The following POU2F3 variants were observed in gnomAD, a reference collection of about 807,000 sequenced individuals.
The protein encoded by POU2F3 is POU class 2 homeobox 3.
A neutral mutation model predicts 59.2 loss-of-function variants in POU2F3; 23 were observed. The ratio of observed to expected loss-of-function variants is 0.39; its 90% CI spans 0.28 to 0.55. The LOEUF is 0.55. Among genes scored for constraint, POU2F3 ranks in the 20% least tolerant of loss-of-function variants. The pLI, the probability that POU2F3 is intolerant of heterozygous loss-of-function variation, is 0.66. For missense variants in POU2F3, 473 were observed against 544.5 expected, an observed-to-expected ratio of 0.87 and a Z score of 1.31; for synonymous variants, 190 against 214.6, an observed-to-expected ratio of 0.89 and a Z score of 1.00.
At chr11:120,294,182 A>G (rs1449539448) in intron 3 of POU2F3, among the ~76,000 whole-genome samples, 5 of 152,216 alleles carry the variant, frequency 3.3e-5, no homozygotes, top group Non-Finnish European at 7.3e-5. Flanking sequence ...CATCCCTGAT[A>G]CATTTTTACC....
At chr11:120,267,120 C>T (rs528478066) in intron 2 of POU2F3, among the ~76,000 whole-genome samples, 23 of 152,120 alleles carry the variant, frequency 1.5e-4, no homozygotes, top group African/African-American at 5.5e-4. Flanking sequence ...TCTTTAGCTC[C>T]CTTAGCAGAT....
upstream of POU2F3, among the ~76,000 whole-genome samples, chr11:120,239,203 G>A (rs1228557751): frequency 1.3e-5 from 2 of 152,220 alleles, no homozygotes. Flanking sequence ...GAAGGAAAGC[G>A]AGGCCCTGCC....
intron 3 of POU2F3, among the ~76,000 whole-genome samples, chr11:120,284,845 G>T (rs906495559): frequency 6.6e-6 from 1 of 152,200 alleles, no homozygotes; most frequent in Non-Finnish European, 1.5e-5. Context: ...GAGGCCGTCT[G>T]TCCCCTGTTC....
chr11:120,314,130 T>C (rs1317073655), intron 10 of POU2F3, among the ~76,000 whole-genome samples: 2 of 152,208 alleles, frequency 1.3e-5, no homozygotes, highest in African/African-American at 4.8e-5. Context: ...CCTCCCAACC[T>C]GTGCCCGTCT....
At chr11:120,253,972 C>T (rs894647541) in intron 2 of POU2F3, 2 of 152,082 alleles carry the variant, frequency 1.3e-5, no homozygotes, top group African/African-American at 4.8e-5. Flanking sequence ...GGCATGACAC[C>T]CACCTACCCT....
At chr11:120,314,128 C>T (rs1046387004) in intron 10 of POU2F3, among the ~76,000 whole-genome samples, 8 of 152,206 alleles carry the variant, frequency 5.3e-5, no homozygotes, top group Non-Finnish European at 1.2e-4. Flanking sequence ...CCCCTCCCAA[C>T]CTGTGCCCGT....
upstream of POU2F3, chr11:120,240,116 C>CCCGCG: frequency 8.6e-7 from 1 of 1,161,346 alleles, no homozygotes. Flanking sequence ...CGGCCCCCGC[C>CCCGCG]CCGCGCCGCG....
chr11:120,240,096 G>T, upstream of POU2F3: 4 of 1,137,164 alleles, frequency 3.5e-6, no homozygotes, highest in Non-Finnish European at 4.3e-6. Flanking sequence ...CTGCCAGGGG[G>T]CGTGGCCGGC....
intron 3 of POU2F3, among the ~76,000 whole-genome samples, chr11:120,275,336 C>A (rs1474363840): frequency 6.6e-6 from 1 of 152,070 alleles, no homozygotes; most frequent in African/African-American, 2.4e-5. Context: ...GGGTTGAGTG[C>A]CCTGGCAGTT....
In POU2F3 at chr11:120,245,344, G is replaced by A. The variant is rs375063090; in HGVS notation, c.29-1105G>A. 6.6e-5 allele frequency among the ~76,000 whole-genome samples: 10 copies of A among 152,134 alleles called. 1 individual carries two copies. The highest frequency in any genetic ancestry group is 6.2e-4 in the South Asian group (3 of 4,818). On this transcript the variant is annotated intron_variant, in intron 1 of 12. Transcript: ENST00000543440. ...TGATCATCTCCAGACCTGGGCATCC[G>A]GACTGCCAACTGCCTGATTACCTGA...
intron 2 of POU2F3, among the ~76,000 whole-genome samples, chr11:120,248,228 C>T (rs1397181447): frequency 1.3e-5 from 2 of 152,158 alleles, no homozygotes; most frequent in African/African-American, 2.4e-5. Flanking sequence ...GACCTTAGAC[C>T]AGCCACTTTG....
intron 5 of POU2F3, chr11:120,300,904 C>T: frequency 2.6e-6 from 1 of 383,152 alleles, no homozygotes; most frequent in Admixed American, 3.0e-5. Flanking sequence ...AGTCACTATC[C>T]TTAGTTTCCA....
In POU2F3 at chr11:120,269,332, T is replaced by C. The variant is rs1939964757; in HGVS notation, c.132+88T>C. On this transcript the variant is annotated intron_variant, in intron 3 of 12. Transcript: ENST00000543440. ...TGGTATGGAGGAAGACAAGATTAAG[T>C]ACAGTTTGGGGGTGTTTATTCACAA... is the stretch of plus-strand genomic sequence containing the variant. 4.3e-6 allele frequency: 5 copies of C among 1,174,502 alleles called. No individual in the cohort carries two copies. In the Admixed American group the frequency reaches 9.3e-5, roughly 22 times the overall value. The allele number at this position is 1,174,502 out of a possible 1,614,324, so 72.8% of individuals were successfully genotyped here.
chr11:120,307,147 C>T (rs554082105), intron 8 of POU2F3, among the ~76,000 whole-genome samples: 1 of 152,226 alleles, frequency 6.6e-6, no homozygotes, highest in Non-Finnish European at 1.5e-5. Flanking sequence ...TGCCCCCTTA[C>T]ACCCACATGT....
rs1047452763 is a variant in POU2F3, at chr11:120,262,106, G to C, written c.98-7104G>C. Among the ~76,000 whole-genome samples the C allele has an allele frequency of 2.0e-5, 3 of 152,224 alleles. No homozygotes were observed. The South Asian group carries it at 6.2e-4, about 32-fold the overall frequency. On this transcript the variant is annotated intron_variant, in intron 2 of 12. Transcript: ENST00000543440. The stretch of plus-strand genomic sequence containing the variant: ...TATGGGGAGGAAGGAAAAGTCCACT[G>C]ACATTTATTTCAGCACTGACTGCAC...
chr11:120,238,171 C>T (rs964240926), upstream of POU2F3, among the ~76,000 whole-genome samples: 8 of 152,032 alleles, frequency 5.3e-5, no homozygotes, highest in Non-Finnish European at 8.8e-5. Context: ...ACCTGGGAGG[C>T]GGAGATTGCC....
intron 3 of POU2F3, among the ~76,000 whole-genome samples, chr11:120,294,093 G>A (rs986546941): frequency 3.9e-5 from 6 of 152,168 alleles, no homozygotes; most frequent in Non-Finnish European, 7.3e-5. Flanking sequence ...CTTGGAAGGG[G>A]CTCTCTCCTT....
chr11:120,245,729 T>C (rs1325284366), intron 1 of POU2F3, among the ~76,000 whole-genome samples: 1 of 152,158 alleles, frequency 6.6e-6, no homozygotes, highest in African/African-American at 2.4e-5. Context: ...CCAGCAGGAC[T>C]TGGGGGCTGA....
chr11:120,258,727 A>G (rs900689455), intron 2 of POU2F3, among the ~76,000 whole-genome samples: 4 of 152,230 alleles, frequency 2.6e-5, no homozygotes, highest in Non-Finnish European at 5.9e-5. Context: ...TCCTTGCAGC[A>G]GTGGCCTGAG....
Sources: gnomAD v4.1 joint callset for allele counts (sites outside exome capture counted in the v4.1 genomes callset) on GRCh38, gnomAD v4.1.1 for gene constraint, MANE v1.5 for transcripts, NCBI Gene and HGNC (gene_info 2026-07-23, HGNC 2026-07-21) for gene names.